Variants in ATXN3 observed in about 807,000 individuals in gnomAD.
ATXN3 encodes the protein ataxin-3.
A neutral mutation model predicts 58.2 loss-of-function variants in ATXN3; 28 were observed. The ratio of observed to expected loss-of-function variants is 0.48; its 90% CI spans 0.36 to 0.66. The LOEUF is 0.66. Among genes scored for constraint, ATXN3 ranks in the 30% least tolerant of loss-of-function variants. The probability of loss-of-function intolerance (pLI) is 0.00; values close to 1 mark genes in which losing one functional copy is unlikely to be tolerated. For synonymous variants in ATXN3, 113 were observed against 138.5 expected, an observed-to-expected ratio of 0.82 and a Z score of 1.29; for missense variants, 321 against 422.1, an observed-to-expected ratio of 0.76 and a Z score of 2.10.
chr14:92,078,172 G>A (rs1047994650), intron 9 of ATXN3, among the ~76,000 whole-genome samples: 2 of 151,456 alleles, frequency 1.3e-5, no homozygotes, highest in Non-Finnish European at 2.9e-5. Flanking sequence ...ACAGGGTTTC[G>A]CCATGTTGGC....
intron 2 of ATXN3, among the ~76,000 whole-genome samples, chr14:92,045,155 A>T (rs1244567677): frequency 2.6e-5 from 4 of 152,186 alleles, no homozygotes; most frequent in Non-Finnish European, 5.9e-5. Context: ...GAAGGGCAAG[A>T]GGTAAAAATA....
chr14:92,093,257 T>C lies in ATXN3; in HGVS notation c.382A>G (p.Lys128Glu). Reference protein sequence around the residue: ...EHWFTVRKLGKQWFNLNSLLT... With the variant: ...EHWFTVRKLGEQWFNLNSLLT... ...GGAAGGGTAAGAAATGTTACCTGTT[T>C]TCCTAATTTTCTAACTGTAAACCAG... Residue 128 changes from lysine (K) to glutamate (E), a missense_variant, in exon 5 of 11, where the codon AAA (lysine) becomes GAA (glutamate). By Grantham distance (56) the Lys-to-Glu change is moderately conservative. This residue lies in a region of ATXN3 where 121 missense variants were observed against 198.9 expected (regional missense o/e 0.61). Coordinates refer to ENST00000644486, the MANE Select transcript of ATXN3 (RefSeq NM_004993.6). 6.7e-7 allele frequency: 1 copy of C among 1,494,288 alleles called. No individual in the cohort carries two copies. The highest frequency in any genetic ancestry group is 1.2e-5 in the South Asian group (1 of 85,454). 92.6% of individuals were successfully genotyped at this position (1,494,288 alleles called of 1,614,324 possible).
chr14:92,088,931 G>A, intron 5 of ATXN3, 114 bp from the exon 6 acceptor site: 2 of 642,046 alleles, frequency 3.1e-6, no homozygotes, highest in Non-Finnish European at 5.5e-6. Flanking sequence ...TTAAACTCTG[G>A]AAATATTTCA....
At chr14:92,051,714 C>CTTTTTTTTTTTTTTT (rs1309210142), upstream of ATXN3, among the ~76,000 whole-genome samples, 3 of 35,296 alleles carry the variant, frequency 8.5e-5, no homozygotes, top group Admixed American at 2.9e-4. Flanking sequence ...TCTTCTTTTC[C>CTTTTTTTTTTTTTTT]TTTCTTTTTT....
intron 3 of ATXN3, among the ~76,000 whole-genome samples, 165 bp downstream of exon 3, chr14:92,095,928 C>T (rs914534665): frequency 2.6e-5 from 4 of 151,592 alleles, no homozygotes; most frequent in African/African-American, 4.9e-5. Flanking sequence ...GGTGACAGAA[C>T]GAGACTCTGT....
chr14:92,047,544 C>T (rs1381703392), intron 2 of ATXN3, among the ~76,000 whole-genome samples: 1 of 151,910 alleles, frequency 6.6e-6, no homozygotes, highest in East Asian at 1.9e-4. Flanking sequence ...GGAGGTGTCC[C>T]ATACTTGTGG....
chr14:92,096,322 C>T (rs1047612268), intron 2 of ATXN3, 185 bp from the exon 3 acceptor site: 3 of 1,461,342 alleles, frequency 2.1e-6, no homozygotes, highest in African/African-American at 1.4e-5. Context: ...AAATGGTATC[C>T]ACATTTTTAA....
intron 2 of ATXN3, 184 bp from the exon 3 acceptor site, chr14:92,096,321 C>A (rs1182528498): frequency 8.2e-6 from 12 of 1,462,130 alleles, no homozygotes; most frequent in Non-Finnish European, 9.9e-6. Flanking sequence ...TAAATGGTAT[C>A]CACATTTTTA....
chr14:92,097,046 T>C (rs2065481786), intron 1 of ATXN3: 1 of 465,098 alleles, frequency 2.2e-6, no homozygotes, highest in South Asian at 2.0e-5. Flanking sequence ...TAGCTGGTAC[T>C]ACAGGCACCC....
At chr14:92,078,838 A>G (rs1162888293) in intron 9 of ATXN3, among the ~76,000 whole-genome samples, 1 of 152,236 alleles carries the variant, frequency 6.6e-6, no homozygotes, top group Non-Finnish European at 1.5e-5. Flanking sequence ...TTGTTACAAA[A>G]TAATCCAAAC....
intron 2 of ATXN3, among the ~76,000 whole-genome samples, chr14:92,046,585 G>C (rs1222449307): frequency 7.2e-6 from 1 of 139,074 alleles, no homozygotes. Flanking sequence ...GTTAGGGAGA[G>C]CTAGTGTGGG....
Position 92,096,142 on chromosome 14 carries a change from T to A in ATXN3, c.190-5A>T, listed in dbSNP as rs760827214. 22 of 1,606,898 alleles carry A rather than the reference T, an allele frequency of 1.4e-5. No homozygotes were observed. Among genetic ancestry groups the A allele is most frequent in the Non-Finnish European group, 1.8e-5 (21 of 1,178,742 alleles). ...ATCCATATTTCCAGAAGGCTGCTGT[T>A]AATTTTGACAGGTAGTTGAAGCAAG... On this transcript the variant is annotated splice_region_variant and splice_polypyrimidine_tract_variant and intron_variant, in intron 2 of 10. Transcript: ENST00000644486.
At position 92,093,207 on chromosome 14, in the gene ATXN3, G is replaced by T. The variant is rs897014175; in HGVS notation, c.387+45C>A. 12 of 1,315,834 alleles carry T rather than the reference G, an allele frequency of 9.1e-6. No homozygotes were observed. The Admixed American group carries it at 2.4e-4, about 26-fold the overall frequency. 81.5% of individuals were successfully genotyped at this position (1,315,834 alleles called of 1,614,324 possible). A position where few individuals can be genotyped will look rare whatever the true frequency, so the allele number is the denominator to read the frequency against. On this transcript the variant is annotated intron_variant, in intron 5 of 10. Transcript: ENST00000644486. ...TGGCCCACATTTTAGTTTTAAATGG[G>T]GTACAATATAAGAAAAAAAGACAAG...
At chr14:92,101,253 C>T (rs2066705613) in intron 1 of ATXN3, among the ~76,000 whole-genome samples, 1 of 152,100 alleles carries the variant, frequency 6.6e-6, no homozygotes, top group African/African-American at 2.4e-5. Context: ...ATCACTTGAG[C>T]CCAGGAGTTC....
chr14:92,054,570 T>A (rs1355083300), downstream of ATXN3, among the ~76,000 whole-genome samples: 1 of 152,222 alleles, frequency 6.6e-6, no homozygotes, highest in Non-Finnish European at 1.5e-5. Flanking sequence ...TAGCATATCA[T>A]CAAGAAATAA....
At chr14:92,056,111 C>T (rs1303099959), downstream of ATXN3, among the ~76,000 whole-genome samples, 1 of 139,474 alleles carries the variant, frequency 7.2e-6, no homozygotes, top group Admixed American at 6.9e-5. Context: ...ATAGAATCTG[C>T]TCCCTCCTGG....
intron 10 of ATXN3, among the ~76,000 whole-genome samples, chr14:92,070,577 T>C (rs2059246231): frequency 6.6e-6 from 1 of 152,014 alleles, no homozygotes; most frequent in African/African-American, 2.4e-5. Context: ...AGACTCCATC[T>C]CAAAAAAAGA....
intron 10 of ATXN3, 41 bp downstream of exon 10, chr14:92,070,894 T>C (rs779656254): frequency 1.2e-6 from 2 of 1,613,838 alleles, no homozygotes; most frequent in East Asian, 4.5e-5. Flanking sequence ...TCAGATAAAG[T>C]GTGAAGGTAG....
chr14:92,086,253 C>CAAAAAAAAAAAAAAAAAAAAAAAA (rs869147623), intron 6 of ATXN3, among the ~76,000 whole-genome samples: 1 of 94,930 alleles, frequency 1.1e-5, no homozygotes, highest in Admixed American at 1.2e-4. Context: ...ACTAAAAATA[C>CAAAAAAAAAAAAAAAAAAAAAAAA]AAAAAAAAAA....
Sources: gnomAD v4.1 joint callset for allele counts (sites outside exome capture counted in the v4.1 genomes callset) on GRCh38, gnomAD v4.1.1 for gene constraint, gnomAD v4.1.1 regional missense constraint, MANE v1.5 for transcripts, NCBI Gene and HGNC (gene_info 2026-07-23, HGNC 2026-07-21) for gene names.